Variants in ITGA4 observed in about 807,000 individuals in gnomAD.
ITGA4 encodes integrin subunit alpha 4.
A neutral mutation model predicts 133.6 loss-of-function variants in ITGA4; 63 were observed. The observed-to-expected ratio is 0.47, with a 90% CI of 0.38 to 0.58. ITGA4 has a LOEUF of 0.58. ITGA4 is among the 20% of genes least tolerant of loss of function. The pLI is 0.00. For missense variants in ITGA4, 1,076 were observed against 1,252.7 expected, an observed-to-expected ratio of 0.86 and a Z score of 2.13; for synonymous variants, 483 against 438.0, an observed-to-expected ratio of 1.10 and a Z score of -1.28.
chr2:181,459,633 T>C (rs964078340), intron 2 of ITGA4, among the ~76,000 whole-genome samples: 3 of 152,182 alleles, frequency 2.0e-5, no homozygotes, highest in Admixed American at 6.5e-5. Context: ...ATACCAGAAA[T>C]CACAGTAGGA....
intron 17 of ITGA4, among the ~76,000 whole-genome samples, chr2:181,512,138 G>A (rs1223510829): frequency 6.6e-6 from 1 of 152,056 alleles, no homozygotes; most frequent in Non-Finnish European, 1.5e-5. Context: ...ATAAACCACT[G>A]CAATTTTGTA....
intron 17 of ITGA4, among the ~76,000 whole-genome samples, chr2:181,518,262 T>G (rs1686650111): frequency 6.6e-6 from 1 of 152,052 alleles, no homozygotes; most frequent in Non-Finnish European, 1.5e-5. Flanking sequence ...GAATTACTGC[T>G]TTGTTAGTTA....
intron 9 of ITGA4, among the ~76,000 whole-genome samples, chr2:181,485,379 T>C (rs984524610): frequency 3.3e-5 from 5 of 150,338 alleles, no homozygotes; most frequent in Non-Finnish European, 5.9e-5. Flanking sequence ...ATTTCCTTTA[T>C]GAAATGTCTT....
intron 2 of ITGA4, among the ~76,000 whole-genome samples, chr2:181,460,414 G>A (rs1456562099): frequency 6.6e-6 from 1 of 152,166 alleles, no homozygotes; most frequent in Non-Finnish European, 1.5e-5. Flanking sequence ...ATAAAATAGG[G>A]ATTGAGGCTA....
At chr2:181,471,449 G>A (rs1359245986) in intron 2 of ITGA4, among the ~76,000 whole-genome samples, 3 of 152,106 alleles carry the variant, frequency 2.0e-5, no homozygotes, top group Non-Finnish European at 4.4e-5. Context: ...ATTCCTACAA[G>A]ATATTAATCA....
At chr2:181,524,369 G>A in intron 20 of ITGA4, 119 bp downstream of exon 20, 3 of 570,686 alleles carry the variant, frequency 5.3e-6, no homozygotes, top group South Asian at 3.0e-5. Context: ...CTCTTACGTG[G>A]TATGCTTTTA....
intron 10 of ITGA4, among the ~76,000 whole-genome samples, chr2:181,488,015 C>G (rs1685960358): frequency 6.6e-6 from 1 of 152,128 alleles, no homozygotes; most frequent in South Asian, 2.1e-4. Context: ...TTTTAATTGA[C>G]ACATTTAAAG....
chr2:181,472,407 G>A (rs192087739), intron 2 of ITGA4, among the ~76,000 whole-genome samples: 248 of 152,138 alleles, frequency 1.6e-3, no homozygotes, highest in Non-Finnish European at 2.5e-3. Context: ...GGATGTAATC[G>A]TAATGAAAGT....
chr2:181,533,871 G>T (rs1686996630), intron 25 of ITGA4, among the ~76,000 whole-genome samples: 1 of 152,082 alleles, frequency 6.6e-6, no homozygotes, highest in East Asian at 1.9e-4. Context: ...CCTTGCTTTA[G>T]ATAGTAAAGT....
chr2:181,493,622 G>T (rs1020079620), intron 11 of ITGA4, among the ~76,000 whole-genome samples: 2 of 152,134 alleles, frequency 1.3e-5, no homozygotes, highest in African/African-American at 4.8e-5. Flanking sequence ...AATAAGAGTT[G>T]TAGTTCATTT....
intron 2 of ITGA4, among the ~76,000 whole-genome samples, chr2:181,468,787 A>T (rs1248368705): frequency 6.6e-6 from 1 of 152,216 alleles, no homozygotes; most frequent in African/African-American, 2.4e-5. Context: ...AATTAAAAAA[A>T]ATAGGAAAGA....
intron 2 of ITGA4, among the ~76,000 whole-genome samples, chr2:181,469,737 A>G (rs1313052326): frequency 6.6e-6 from 1 of 152,188 alleles, no homozygotes; most frequent in African/African-American, 2.4e-5. Flanking sequence ...ATGCAGCCAT[A>G]AAAAAGGATG....
intron 2 of ITGA4, among the ~76,000 whole-genome samples, chr2:181,466,300 AAAAAAT>A (rs1685412079): frequency 6.6e-6 from 1 of 152,128 alleles, no homozygotes; most frequent in African/African-American, 2.4e-5. Context: ...ATAAGATAAA[AAAAAAT>A]AGCTGAAATA....
Position 181,465,927 on chromosome 2 carries a change from GA to G in ITGA4, c.319+7614del, listed in dbSNP as rs530500850. 2.4e-4 allele frequency among the ~76,000 whole-genome samples: 36 copies of G among 152,212 alleles called. No individual in the cohort carries two copies. The South Asian group carries it at 4.1e-3, about 18-fold the overall frequency. On this transcript the variant is annotated intron_variant, in intron 2 of 27. Coordinates refer to ENST00000397033, the MANE Select transcript of ITGA4 (RefSeq NM_000885.6). ...ATTGTCTACTTCATAGGGATGTTATGAAAAGTGAGTTAATACATGTCTTTGC... is the reference window on the plus strand; with the variant it reads ...ATTGTCTACTTCATAGGGATGTTATGAAAGTGAGTTAATACATGTCTTTGC...
chr2:181,464,540 G>A (rs1006075465), intron 2 of ITGA4, among the ~76,000 whole-genome samples: 2 of 152,156 alleles, frequency 1.3e-5, no homozygotes, highest in Admixed American at 6.5e-5. Flanking sequence ...CAGGTACATA[G>A]TGATGAGAAG....
intron 2 of ITGA4, among the ~76,000 whole-genome samples, chr2:181,470,067 TAAAA>T (rs201661642): frequency 4.1e-5 from 6 of 146,084 alleles, no homozygotes; most frequent in African/African-American, 1.0e-4. Flanking sequence ...AGTATAATAA[TAAAA>T]AAAAAAGATA....
At chr2:181,534,706 G>C in intron 26 of ITGA4, 110 bp from the exon 27 acceptor site, 1 of 936,464 alleles carries the variant, frequency 1.1e-6, no homozygotes, top group African/African-American at 1.7e-5. Context: ...GGGCTGGGCA[G>C]TTCTAAATAC....
Position 181,498,630 on chromosome 2 carries a change from T to G in ITGA4, c.1548T>G (p.Phe516Leu). Residue 516 changes from phenylalanine (F) to leucine (L), a missense_variant, in exon 15 of 28, where the codon TTT (phenylalanine) becomes TTG (leucine). Around this residue, in one of 4 missense-constraint regions of ITGA4, gnomAD observed 436 missense variants for 590.7 expected, o/e 0.74. Coordinates refer to ENST00000397033, the MANE Select transcript of ITGA4 (RefSeq NM_000885.6). ...GKEVPGYIVL[F>L]YNMSLDVNRK... The stretch of plus-strand genomic sequence containing the variant: ...TTCTCTATATTTTTGCAGTTTTGTT[T>G]TATAACATGAGTTTGGATGTGAACA... 6.3e-7 allele frequency: 1 copy of G among 1,599,334 alleles called. No individual in the cohort carries two copies. Among genetic ancestry groups the G allele is most frequent in the Non-Finnish European group, 8.5e-7 (1 of 1,172,114 alleles).
At chr2:181,457,245 C>T (rs1055455754), upstream of ITGA4, 2 of 193,460 alleles carry the variant, frequency 1.0e-5, no homozygotes, top group South Asian at 8.4e-5. Context: ...GCTCTGCGGG[C>T]TGGGAGGCCC....
Sources: allele counts gnomAD v4.1 joint callset (sites outside exome capture counted in the v4.1 genomes callset), GRCh38; gene constraint gnomAD v4.1.1; regional missense constraint gnomAD v4.1.1; transcripts MANE v1.5; gene names NCBI Gene and HGNC (gene_info 2026-07-23, HGNC 2026-07-21).